The following ARB2A variants were observed in gnomAD, a reference collection of about 807,000 sequenced individuals.
ARB2A encodes the protein ARB2 cotranscriptional regulator A, also known as cotranscriptional regulator ARB2A.
the ARB2A span, among the ~76,000 whole-genome samples, chr5:93,834,674 T>C: frequency 6.6e-6 from 1 of 152,168 alleles, no homozygotes; most frequent in African/African-American, 2.4e-5. Flanking sequence ...GTATATGTAT[T>C]TCTGGAATAT....
the ARB2A span, among the ~76,000 whole-genome samples, chr5:93,920,188 T>C: frequency 1.3e-5 from 2 of 152,146 alleles, no homozygotes; most frequent in Admixed American, 6.5e-5. Context: ...TACTGGCACA[T>C]TGTTTGCGTA....
At chr5:93,981,237 T>C in the ARB2A span, among the ~76,000 whole-genome samples, 1 of 151,880 alleles carries the variant, frequency 6.6e-6, no homozygotes, top group East Asian at 1.9e-4. Flanking sequence ...CTGGCTAATT[T>C]TTTGTATTTT....
chr5:94,039,728 C>T, the ARB2A span, among the ~76,000 whole-genome samples: 1 of 152,092 alleles, frequency 6.6e-6, no homozygotes, highest in Non-Finnish European at 1.5e-5. Context: ...GGATCAGGAC[C>T]TCTTTCCTGT....
chr5:93,792,445 T>C, the ARB2A span, among the ~76,000 whole-genome samples: 1 of 152,038 alleles, frequency 6.6e-6, no homozygotes, highest in East Asian at 1.9e-4. Flanking sequence ...ATTATAACTA[T>C]AAAGCAGAGG....
the ARB2A span, among the ~76,000 whole-genome samples, chr5:93,677,099 T>C: frequency 6.6e-6 from 1 of 152,298 alleles, no homozygotes; most frequent in East Asian, 1.9e-4. Context: ...TGATCTGCTA[T>C]TAACAACAAT....
At chr5:93,772,396 T>G in the ARB2A span, among the ~76,000 whole-genome samples, 1 of 152,068 alleles carries the variant, frequency 6.6e-6, no homozygotes, top group Non-Finnish European at 1.5e-5. Context: ...GCATGGCACA[T>G]GTATACATAT....
the ARB2A span, among the ~76,000 whole-genome samples, chr5:94,109,216 T>C: frequency 6.6e-6 from 1 of 152,162 alleles, no homozygotes; most frequent in African/African-American, 2.4e-5. Context: ...TTATATGAGG[T>C]ACCTAGAGTA....
At chr5:93,954,047 G>C in the ARB2A span, among the ~76,000 whole-genome samples, 9 of 152,156 alleles carry the variant, frequency 5.9e-5, no homozygotes. Context: ...GCCCACAGTA[G>C]GTCCAGAAAT....
the ARB2A span, among the ~76,000 whole-genome samples, chr5:94,095,391 C>T: frequency 1.8e-4 from 28 of 152,112 alleles, no homozygotes; most frequent in Admixed American, 3.9e-4. Flanking sequence ...CTACTGCTTA[C>T]AGAGGCAAGT....
chr5:93,881,542 C>T, the ARB2A span: 2 of 1,610,210 alleles, frequency 1.2e-6, no homozygotes, highest in African/African-American at 1.3e-5. Flanking sequence ...CACGTCGCTT[C>T]TTTGTTTCTT....
At chr5:94,033,226 A>G in the ARB2A span, among the ~76,000 whole-genome samples, 5 of 152,144 alleles carry the variant, frequency 3.3e-5, no homozygotes, top group African/African-American at 1.2e-4. Context: ...GTGTGAGAAT[A>G]TACTAATACA....
chr5:94,080,882 CAA>C, the ARB2A span, among the ~76,000 whole-genome samples: 1 of 151,980 alleles, frequency 6.6e-6, no homozygotes, highest in Non-Finnish European at 1.5e-5. Flanking sequence ...CATCTGCTTC[CAA>C]AAAATCTAAG....
At chr5:93,803,845 AGAAAAC>A in the ARB2A span, among the ~76,000 whole-genome samples, 3 of 151,864 alleles carry the variant, frequency 2.0e-5, no homozygotes, top group Non-Finnish European at 1.5e-5. Context: ...TTCTTTTTGT[AGAAAAC>A]GGGAAAGGTA....
the ARB2A span, among the ~76,000 whole-genome samples, chr5:93,816,817 G>C: frequency 6.6e-6 from 1 of 151,992 alleles, no homozygotes; most frequent in Non-Finnish European, 1.5e-5. Flanking sequence ...TAACCTATCA[G>C]GAATGAAAAC....
At chr5:94,044,248 A>G in the ARB2A span, among the ~76,000 whole-genome samples, 7 of 152,308 alleles carry the variant, frequency 4.6e-5, no homozygotes, top group East Asian at 1.4e-3. Flanking sequence ...ACTTGGAATA[A>G]TTTTACTTAT....
At chr5:94,058,047 A>G in the ARB2A span, among the ~76,000 whole-genome samples, 1 of 152,296 alleles carries the variant, frequency 6.6e-6, no homozygotes, top group Admixed American at 6.5e-5. Context: ...TTACCCAAGG[A>G]CAGGGAAAGC....
At chr5:93,687,622 GTAT>G in the ARB2A span, among the ~76,000 whole-genome samples, 1 of 152,004 alleles carries the variant, frequency 6.6e-6, no homozygotes, top group Non-Finnish European at 1.5e-5. Context: ...TAAATAGAAC[GTAT>G]TATTTTTATA....
the ARB2A span, among the ~76,000 whole-genome samples, chr5:93,661,525 T>C: frequency 1.3e-5 from 2 of 152,176 alleles, no homozygotes; most frequent in East Asian, 1.9e-4. Context: ...CAAAACTAAG[T>C]ATAGCCTATT....
At chr5:93,726,925 T>C in the ARB2A span, among the ~76,000 whole-genome samples, 1 of 152,078 alleles carries the variant, frequency 6.6e-6, no homozygotes, top group Non-Finnish European at 1.5e-5. Flanking sequence ...TTCTAGATTA[T>C]CCATGTAAAT....
Sources: allele counts gnomAD v4.1 joint callset (sites outside exome capture counted in the v4.1 genomes callset), GRCh38; gene constraint gnomAD v4.1.1; transcripts MANE v1.5; gene names NCBI Gene and HGNC (gene_info 2026-07-23, HGNC 2026-07-21).